Variants in L3MBTL4 observed in about 807,000 individuals in gnomAD.
The protein encoded by L3MBTL4 is L3MBTL histone methyl-lysine binding protein 4.
Under a neutral mutation model 84.5 loss-of-function variants are expected in L3MBTL4, and 70 were observed. That is an observed-to-expected ratio of 0.83 (90% confidence interval 0.68 to 1.01). L3MBTL4 has a LOEUF of 1.01. Among genes scored for constraint, L3MBTL4 ranks in the 50% least tolerant of loss-of-function variants. The pLI, the probability that L3MBTL4 is intolerant of heterozygous loss-of-function variation, is 0.00. For missense variants in L3MBTL4, 715 were observed against 754.8 expected (o/e 0.95, Z 0.62); for synonymous variants, 274 against 259.8 (o/e 1.05, Z -0.52).
At chr18:5,967,137 G>A (rs1160672076) in intron 17 of L3MBTL4, among the ~76,000 whole-genome samples, 1 of 152,212 alleles carries the variant, frequency 6.6e-6, no homozygotes, top group African/African-American at 2.4e-5. Context: ...CCAGCAGACT[G>A]TGGGCTGTGC....
At chr18:6,155,917 T>C (rs1171035170) in intron 13 of L3MBTL4, among the ~76,000 whole-genome samples, 1 of 152,206 alleles carries the variant, frequency 6.6e-6, no homozygotes, top group East Asian at 1.9e-4. Flanking sequence ...AGGAGTCATT[T>C]AAGGATACCT....
At chr18:6,144,621 C>T (rs1162704701) in intron 13 of L3MBTL4, among the ~76,000 whole-genome samples, 1 of 152,198 alleles carries the variant, frequency 6.6e-6, no homozygotes, top group Non-Finnish European at 1.5e-5. Context: ...CAACCAAACT[C>T]TGATTTTGCT....
At chr18:6,362,617 A>C (rs1170035448) in intron 1 of L3MBTL4, among the ~76,000 whole-genome samples, 1 of 152,206 alleles carries the variant, frequency 6.6e-6, no homozygotes, top group Admixed American at 6.5e-5. Flanking sequence ...ACAAATCACA[A>C]CACCAAGAAA....
chr18:6,239,977 G>T, intron 8 of L3MBTL4, 105 bp from the exon 9 acceptor site: 1 of 1,147,984 alleles, frequency 8.7e-7, no homozygotes, highest in South Asian at 1.4e-5. Flanking sequence ...AAGTCTACAG[G>T]TGTCAGCACT....
At chr18:6,141,637 A>AC (rs2060197727) in intron 13 of L3MBTL4, among the ~76,000 whole-genome samples, 1 of 151,820 alleles carries the variant, frequency 6.6e-6, no homozygotes, top group African/African-American at 2.4e-5. Flanking sequence ...ATTTCATGCC[A>AC]CCCTATCAAT....
intron 1 of L3MBTL4, among the ~76,000 whole-genome samples, chr18:6,364,214 G>A (rs916645543): frequency 2.0e-5 from 3 of 152,054 alleles, no homozygotes; most frequent in Non-Finnish European, 4.4e-5. Flanking sequence ...GTGAAACAAC[G>A]CCGCTCTAGT....
intron 1 of L3MBTL4, among the ~76,000 whole-genome samples, chr18:6,369,669 G>C (rs1391569170): frequency 1.3e-5 from 2 of 152,186 alleles, no homozygotes; most frequent in African/African-American, 4.8e-5. Context: ...ATTACAGCTG[G>C]ATTTGGTTGG....
intron 1 of L3MBTL4, among the ~76,000 whole-genome samples, chr18:6,356,542 A>G (rs1163776454): frequency 6.6e-6 from 1 of 152,254 alleles, no homozygotes; most frequent in African/African-American, 2.4e-5. Flanking sequence ...CTCAGGCTAT[A>G]TGGAATGGCC....
rs187772858 is a variant in L3MBTL4 at position 6,329,236 on chromosome 18, C to T, written c.-90-17180G>A. ...TGGTGCGATCTCGGCTCACTGCAAG[C>T]TCCGCCTCCTGGGTTCACGCCATTC... On this transcript the variant is annotated intron_variant, in intron 1 of 18. Coordinates refer to ENST00000317931, the MANE Select transcript of L3MBTL4 (RefSeq NM_001330559.2). 4.0e-3 allele frequency among the ~76,000 whole-genome samples: 604 copies of T among 149,656 alleles called. 8 individuals are homozygous for T. Among genetic ancestry groups the T allele is most frequent in the African/African-American group, 0.014 (558 of 40,686 alleles).
At chr18:6,254,412 C>CTTTTTTTTTTT (rs763440464) in intron 5 of L3MBTL4, among the ~76,000 whole-genome samples, 3 of 112,710 alleles carry the variant, frequency 2.7e-5, no homozygotes, top group Admixed American at 9.0e-5. Context: ...AAAGTGACAC[C>CTTTTTTTTTTT]TTTTTTTTTT....
intron 5 of L3MBTL4, among the ~76,000 whole-genome samples, chr18:6,247,079 T>G (rs2047696466): frequency 6.6e-6 from 1 of 152,198 alleles, no homozygotes; most frequent in Admixed American, 6.5e-5. Context: ...TATACATAGA[T>G]AGAGAAACAT....
At chr18:6,252,621 A>C (rs1184581471) in intron 5 of L3MBTL4, among the ~76,000 whole-genome samples, 2 of 152,218 alleles carry the variant, frequency 1.3e-5, no homozygotes, top group Non-Finnish European at 2.9e-5. Context: ...TTAAAAAATC[A>C]ACACATACAC....
intron 1 of L3MBTL4, among the ~76,000 whole-genome samples, chr18:6,348,863 C>A (rs937424647): frequency 6.6e-6 from 1 of 152,104 alleles, no homozygotes; most frequent in African/African-American, 2.4e-5. Flanking sequence ...ACGATGATAG[C>A]AAATAACCCG....
At chr18:6,060,611 G>C (rs1375019705) in intron 16 of L3MBTL4, among the ~76,000 whole-genome samples, 3 of 151,964 alleles carry the variant, frequency 2.0e-5, no homozygotes, top group Non-Finnish European at 4.4e-5. Context: ...AAAGTCCTTA[G>C]TTTACATTAG....
At chr18:6,294,063 C>G (rs543911548) in intron 4 of L3MBTL4, among the ~76,000 whole-genome samples, 1 of 151,842 alleles carries the variant, frequency 6.6e-6, no homozygotes, top group Non-Finnish European at 1.5e-5. Context: ...AAGGATTGGT[C>G]GTACTGTGGT....
At chr18:5,981,729 G>A (rs1456126334) in intron 16 of L3MBTL4, among the ~76,000 whole-genome samples, 2 of 151,850 alleles carry the variant, frequency 1.3e-5, no homozygotes, top group Admixed American at 6.6e-5. Flanking sequence ...GAGTCCAGGA[G>A]TTTGAGGTTG....
At chr18:6,060,339 G>A (rs926280351) in intron 16 of L3MBTL4, among the ~76,000 whole-genome samples, 1 of 150,400 alleles carries the variant, frequency 6.6e-6, no homozygotes, top group African/African-American at 2.4e-5. Flanking sequence ...ACGCATTCAG[G>A]TACACCAAAT....
intron 4 of L3MBTL4, among the ~76,000 whole-genome samples, chr18:6,279,594 TG>T (rs765285967): frequency 6.6e-6 from 1 of 152,208 alleles, no homozygotes; most frequent in Admixed American, 6.5e-5. Flanking sequence ...CACATCTGTG[TG>T]CAGATTTCCC....
At chr18:6,401,830 C>T (rs999006133) in intron 1 of L3MBTL4, among the ~76,000 whole-genome samples, 2 of 152,148 alleles carry the variant, frequency 1.3e-5, no homozygotes, top group South Asian at 2.1e-4. Flanking sequence ...GGCAAGTGTG[C>T]GGTGTGCAAG....
Sources: gnomAD v4.1 joint callset for allele counts (sites outside exome capture counted in the v4.1 genomes callset) on GRCh38, gnomAD v4.1.1 for gene constraint, MANE v1.5 for transcripts, NCBI Gene and HGNC (gene_info 2026-07-23, HGNC 2026-07-21) for gene names.